PLCG2: variants seen among roughly 807,000 people sequenced by gnomAD.
PLCG2 encodes the protein 1-phosphatidylinositol 4,5-bisphosphate phosphodiesterase gamma-2.
A neutral mutation model predicts 175.6 loss-of-function variants in PLCG2; 69 were observed. The observed-to-expected ratio is 0.39, with a 90% CI of 0.32 to 0.48. The LOEUF (loss-of-function observed/expected upper bound fraction) is 0.48. Among genes scored for constraint, PLCG2 ranks in the 20% least tolerant of loss-of-function variants. PLCG2 has a pLI of 0.91. For synonymous variants in PLCG2, 827 were observed against 624.0 expected (o/e 1.33, Z -4.85); for missense variants, 1,798 against 1,650.9 (o/e 1.09, Z -1.54).
At chr16:81,942,060 G>A (rs541957415) in intron 30 of PLCG2, among the ~76,000 whole-genome samples, 48 of 152,230 alleles carry the variant, frequency 3.2e-4, no homozygotes, top group African/African-American at 9.9e-4. Context: ...ACACCTTTAC[G>A]TTCCTAGCCT....
intron 2 of PLCG2, among the ~76,000 whole-genome samples, chr16:81,809,943 G>C (rs573023244): frequency 4.4e-4 from 67 of 151,934 alleles, no homozygotes; most frequent in African/African-American, 1.6e-3. Flanking sequence ...CCTTTCCCAT[G>C]CTCTCTTCAT....
At position 81,962,473 on chromosome 16, in the gene PLCG2, T is replaced by G. The variant is rs540424549; in HGVS notation, c.*4475T>G. 11 of 214,894 alleles carry G rather than the reference T, an allele frequency of 5.1e-5. No individual in the cohort carries two copies. The highest frequency in any genetic ancestry group is 2.5e-4 in the African/African-American group (11 of 44,528). 13.3% of individuals were successfully genotyped at this position (214,894 alleles called of 1,614,324 possible). A position where few individuals can be genotyped will look rare whatever the true frequency, so the allele number is the denominator to read the frequency against. On this transcript the variant is annotated 3_prime_UTR_variant, in exon 33 of 33. Coordinates refer to ENST00000564138, the MANE Select transcript of PLCG2 (RefSeq NM_002661.5). ...TCCAGTGATCCTGCCTCTCAGAAAT[T>G]TCCACATTTCTTATTTTTCATTAGG...
intron 2 of PLCG2, among the ~76,000 whole-genome samples, chr16:81,840,867 A>G (rs1228323486): frequency 1.3e-5 from 2 of 152,178 alleles, no homozygotes; most frequent in Non-Finnish European, 2.9e-5. Flanking sequence ...TCCAGCTAGA[A>G]CAAGATGAAG....
intron 2 of PLCG2, among the ~76,000 whole-genome samples, chr16:81,832,856 T>C (rs1905322096): frequency 6.6e-6 from 1 of 152,216 alleles, no homozygotes; most frequent in South Asian, 2.1e-4. Context: ...CCATTAGCCA[T>C]AAGAGAGCAG....
At chr16:81,801,436 T>C (rs540996999) in intron 2 of PLCG2, among the ~76,000 whole-genome samples, 1 of 152,318 alleles carries the variant, frequency 6.6e-6, no homozygotes, top group South Asian at 2.1e-4. Flanking sequence ...TTGCTTGACC[T>C]TGTGAAGATT....
At chr16:81,793,283 C>T (rs1597321852) in intron 2 of PLCG2, among the ~76,000 whole-genome samples, 1 of 152,188 alleles carries the variant, frequency 6.6e-6, no homozygotes. Flanking sequence ...TACTGTTGGG[C>T]ATGTTGGTTT....
intron 13 of PLCG2, among the ~76,000 whole-genome samples, chr16:81,900,217 A>C (rs1909088039): frequency 6.6e-6 from 1 of 152,258 alleles, no homozygotes; most frequent in African/African-American, 2.4e-5. Flanking sequence ...GCACACGTGG[A>C]ACAGCGTCCC....
Position 81,900,741 on chromosome 16 carries a change from G to T in PLCG2, c.1323G>T (p.Leu441=), listed in dbSNP as rs1223300321. The T allele has an allele frequency of 6.2e-7, 1 of 1,606,364 alleles. No individual in the cohort carries two copies. The highest frequency in any genetic ancestry group is 8.5e-7 in the Non-Finnish European group (1 of 1,173,534). The change falls in exon 14 of 33, where the codon CTG becomes CTT. Residue 441 remains leucine (L), a synonymous_variant. Transcript: ENST00000564138. ...TKPTEASADQ[L]PSPSQLREKI... ...CCACGGAGGCCAGTGCTGACCAGCT[G>T]CCCTCGCCCAGCCAGCTGCGGGAGA...
intron 3 of PLCG2, among the ~76,000 whole-genome samples, chr16:81,855,829 G>T (rs959564198): frequency 2.0e-5 from 3 of 152,156 alleles, no homozygotes; most frequent in African/African-American, 4.8e-5. Flanking sequence ...TTGGAGGAGG[G>T]AAATAGCATG....
intron 3 of PLCG2, among the ~76,000 whole-genome samples, chr16:81,855,024 AC>A (rs1906611684): frequency 6.6e-6 from 1 of 152,048 alleles, no homozygotes; most frequent in Non-Finnish European, 1.5e-5. Context: ...AGCATGGCCA[AC>A]ATGGTGAAAC....
chr16:81,816,401 G>A (rs916893707), intron 2 of PLCG2, among the ~76,000 whole-genome samples: 2 of 151,900 alleles, frequency 1.3e-5, no homozygotes, highest in East Asian at 1.9e-4. Context: ...TTCAGATACT[G>A]AACTATCTGG....
At chr16:81,835,770 G>C (rs141629566) in intron 2 of PLCG2, among the ~76,000 whole-genome samples, 2 of 152,212 alleles carry the variant, frequency 1.3e-5, no homozygotes, top group Middle Eastern at 6.8e-3. Context: ...GTGTTGGTAG[G>C]GCAGTGCTCC....
rs759726615 is a variant in PLCG2, at chr16:81,941,816, G to A, written c.3481+1757G>A. Among the ~76,000 whole-genome samples, 4 of 151,804 alleles carry A rather than the reference G, an allele frequency of 2.6e-5. No homozygotes were observed. In the South Asian group the frequency reaches 6.2e-4, roughly 24 times the overall value. ...CTCCTCAGTAGCTGGGACTACAGGT[G>A]TACACTACCACATCTGGCTAATTTT... On this transcript the variant is annotated intron_variant, in intron 30 of 32. Coordinates refer to ENST00000564138, the MANE Select transcript of PLCG2 (RefSeq NM_002661.5).
intron 2 of PLCG2, among the ~76,000 whole-genome samples, chr16:81,771,062 A>AT (rs199698262): frequency 0.027 from 2,646 of 97,372 alleles, 66 homozygotes; most frequent in African/African-American, 0.089. Flanking sequence ...CATCTCAAAA[A>AT]AAAAAAAAAA....
chr16:81,913,966 C>A (rs1425454605), intron 19 of PLCG2, among the ~76,000 whole-genome samples: 1 of 152,264 alleles, frequency 6.6e-6, no homozygotes, highest in Non-Finnish European at 1.5e-5. Context: ...CTCCCACCAG[C>A]ATGGCTTTTC....
chr16:81,912,729 G>A lies in PLCG2; in HGVS notation c.2054+13G>A. 13 of 1,587,308 alleles carry A rather than the reference G, an allele frequency of 8.2e-6. No individual in the cohort carries two copies. The highest frequency in any genetic ancestry group is 1.1e-5 in the Non-Finnish European group (13 of 1,167,412). ...CCATCACCTTCAGGTGGGTGCGAGG[G>A]TGGGAGGCACATGCTCTACAGAGGG... is the stretch of plus-strand genomic sequence containing the variant. On this transcript the variant is annotated intron_variant, in intron 19 of 32. Transcript: ENST00000564138.
intron 2 of PLCG2, among the ~76,000 whole-genome samples, chr16:81,770,294 G>T (rs189918583): frequency 6.6e-6 from 1 of 152,190 alleles, no homozygotes; most frequent in African/African-American, 2.4e-5. Flanking sequence ...ACTACTAGCA[G>T]CCTTGTTTTT....
chr16:81,805,514 AAAAAC>A (rs1220144989), intron 2 of PLCG2, among the ~76,000 whole-genome samples: 2 of 148,740 alleles, frequency 1.3e-5, no homozygotes, highest in East Asian at 1.9e-4. Flanking sequence ...AAAAAAAAAA[AAAAAC>A]AAAACGCAAG....
At chr16:81,748,840 A>G (rs1269343138) in intron 1 of PLCG2, among the ~76,000 whole-genome samples, 1 of 152,168 alleles carries the variant, frequency 6.6e-6, no homozygotes, top group Non-Finnish European at 1.5e-5. Flanking sequence ...TTTATCGGGC[A>G]CATTTGACAG....
Sources: gnomAD v4.1 joint callset for allele counts (sites outside exome capture counted in the v4.1 genomes callset) on GRCh38, gnomAD v4.1.1 for gene constraint, MANE v1.5 for transcripts, NCBI Gene and HGNC (gene_info 2026-07-23, HGNC 2026-07-21) for gene names.